The following BCORL1 variants were observed in gnomAD, a reference collection of about 807,000 sequenced individuals.
BCORL1 encodes the protein BCL-6 corepressor-like protein 1.
In BCORL1, 7 loss-of-function variants were observed where a neutral mutation model predicts 87.6. The observed-to-expected ratio is 0.08, with a 90% CI of 0.05 to 0.15. The LOEUF is 0.15. BCORL1 is among the 10% of genes least tolerant of loss of function. The pLI, the probability that BCORL1 is intolerant of heterozygous loss-of-function variation, is 1.00. For synonymous variants in BCORL1, 591 were observed against 634.4 expected (o/e 0.93, Z 1.03); for missense variants, 1,215 against 1,499.7 (o/e 0.81, Z 3.13).
At position 130,025,117 on chromosome X, in the gene BCORL1, A is replaced by G. The variant is rs1930157491; in HGVS notation, c.3816A>G (p.Gln1272=). 2.5e-6 allele frequency: 3 copies of G among 1,211,773 alleles called. No individual in the cohort carries two copies. The highest frequency in any genetic ancestry group is 3.0e-5 in the East Asian group (1 of 33,843). The change falls in exon 7 of 14, where the codon CAA becomes CAG. Residue 1272 remains glutamine, a synonymous_variant. Coordinates refer to ENST00000540052, the MANE Select transcript of BCORL1 (RefSeq NM_001379451.1). The stretch of plus-strand genomic sequence containing the variant: ...AGCGTCGAAAGGTGAGAAAGACCCA[A>G]CGGGACACCCAGTATCGCAGCCACC... ...PAKRRKVRKT[Q]RDTQYRSHHA...
chrX:129,991,670 T>G (rs1927173346), intron 1 of BCORL1, among the ~76,000 whole-genome samples: 3 of 90,811 alleles, frequency 3.3e-5, no homozygotes, highest in Admixed American at 1.2e-4. Context: ...TTTTTTTTTT[T>G]TTTTTGAGAC....
chrX:130,027,567 T>G (rs969611850), intron 7 of BCORL1, among the ~76,000 whole-genome samples: 3 of 112,731 alleles, frequency 2.7e-5, no homozygotes, highest in African/African-American at 6.4e-5. Flanking sequence ...TTTCACTAAT[T>G]GCTAGGCATG....
rs1402775083 is a variant in BCORL1, at chrX:130,014,204, C to A, written c.1432C>A (p.Leu478Ile). The A allele has an allele frequency of 8.3e-7, 1 of 1,208,689 alleles. No individual in the cohort carries two copies. The highest frequency in any genetic ancestry group is 1.1e-6 in the Non-Finnish European group (1 of 894,769). ...TTLGVSSTLT[L>I]PVLPSYLQDR... ...TCTAGGGGTTTCCTCCACTCTTACGCTCCCTGTCCTGCCGTCCTACCTGCA... is the reference window on the plus strand; with the variant it reads ...TCTAGGGGTTTCCTCCACTCTTACGATCCCTGTCCTGCCGTCCTACCTGCA... The change falls in exon 4 of 14, where the codon CTC becomes ATC. Residue 478 changes from leucine to isoleucine, a missense_variant. Transcript: ENST00000540052.
intron 6 of BCORL1, 28 bp downstream of exon 6, chrX:130,023,005 C>G (rs1929962470): frequency 2.7e-6 from 3 of 1,123,430 alleles, no homozygotes; most frequent in Admixed American, 2.2e-5. Context: ...GATGGCCCCT[C>G]TCAGCATCTT....
Position 130,013,793 on chromosome X carries a change from A to G in BCORL1, c.1021A>G (p.Met341Val). The change falls in exon 4 of 14, where the codon ATG becomes GTG. Residue 341 changes from methionine to valine, a missense_variant. By Grantham distance (21) the Met-to-Val change is conservative. Coordinates refer to ENST00000540052, the MANE Select transcript of BCORL1 (RefSeq NM_001379451.1). ...APVPTPVLAP[M>V]PASTPPAAPA... is the part of the protein sequence containing the mutation. Reference sequence around the variant, plus strand: ...CGTCCCCACTCCGGTTCTGGCTCCCATGCCAGCATCCACGCCTCCAGCGGC... The same window carrying G: ...CGTCCCCACTCCGGTTCTGGCTCCCGTGCCAGCATCCACGCCTCCAGCGGC... 9 of 1,170,695 alleles carry G rather than the reference A, an allele frequency of 7.7e-6. No homozygotes were observed. The highest frequency in any genetic ancestry group is 9.1e-6 in the Non-Finnish European group (8 of 875,871).
At chrX:130,022,528 G>A (rs771241313) in intron 5 of BCORL1, among the ~76,000 whole-genome samples, 8 of 110,935 alleles carry the variant, frequency 7.2e-5, no homozygotes, top group Admixed American at 5.8e-4. Context: ...GATTACAGGC[G>A]TGAGCCACCA....
Position 130,014,046 on chromosome X carries a change from C to A in BCORL1, c.1274C>A (p.Ala425Asp). The change falls in exon 4 of 14, where the codon GCT becomes GAT. Residue 425 changes from alanine (A) to aspartate (D), a missense_variant. By Grantham distance (126) the Ala-to-Asp change is moderately radical. Around this residue, in one of 5 missense-constraint regions of BCORL1, gnomAD observed 861 missense variants for 1,010.0 expected, o/e 0.85. Transcript: ENST00000540052. ...TTGAGTAGAGTGTGCTTTCCTGCAG[C>A]TCAGGCACCAGCTATGCAAAAAGTC... is the stretch of plus-strand genomic sequence containing the variant. Reference protein sequence around the residue: ...FSLSRVCFPAAQAPAMQKVPL... With the variant: ...FSLSRVCFPADQAPAMQKVPL... 1 of 1,209,284 alleles carries A rather than the reference C, an allele frequency of 8.3e-7. No homozygotes were observed.
At chrX:130,024,570 C>T (rs1214234215) in intron 6 of BCORL1, among the ~76,000 whole-genome samples, 2 of 111,236 alleles carry the variant, frequency 1.8e-5, no homozygotes, top group Admixed American at 1.9e-4. Context: ...CTCCTAGCCC[C>T]TGATTTCCCA....
intron 5 of BCORL1, among the ~76,000 whole-genome samples, chrX:130,022,116 T>A (rs909875179): frequency 5.4e-5 from 6 of 111,110 alleles, no homozygotes; most frequent in Non-Finnish European, 1.1e-4. Flanking sequence ...TTTTCTCTGT[T>A]CACTGGCTCC....
rs1321731585 is a variant in BCORL1 at position 130,013,389 on chromosome X, C to T, written c.617C>T (p.Pro206Leu). The change falls in exon 4 of 14, where the codon CCT becomes CTT. Residue 206 changes from proline to leucine, a missense_variant. By Grantham distance (98) the Pro-to-Leu change is moderately conservative. Transcript: ENST00000540052. ...CCTCTGCCAGCCCCTATCTGTCCCC[C>T]TGCTCCCGGTTCGGCCTCTGTGCCC... is the stretch of plus-strand genomic sequence containing the variant. Reference protein sequence around the residue: ...FSPLPAPICPPAPGSASVPHS... With the variant: ...FSPLPAPICPLAPGSASVPHS... The T allele has an allele frequency of 8.3e-6, 10 of 1,209,420 alleles. No homozygotes were observed. Among genetic ancestry groups the T allele is most frequent in the Non-Finnish European group, 1.1e-5 (10 of 894,884 alleles).
In BCORL1 at chrX:130,015,066, C is replaced by T. The variant is rs1351160789; in HGVS notation, c.2294C>T (p.Thr765Met). Reference protein sequence around the residue: ...DQGEPKGTGATCGKKGSQAGA... With the variant: ...DQGEPKGTGAMCGKKGSQAGA... ...GGAGAGCCTAAGGGCACTGGTGCCA[C>T]GTGTGGCAAAAAGGGCAGCCAGGCT... The change falls in exon 4 of 14, where the codon ACG becomes ATG. Residue 765 changes from threonine (T) to methionine (M), a missense_variant. Around this residue, in one of 5 missense-constraint regions of BCORL1, gnomAD observed 861 missense variants for 1,010.0 expected, o/e 0.85. Coordinates refer to ENST00000540052, the MANE Select transcript of BCORL1 (RefSeq NM_001379451.1). The T allele has an allele frequency of 5.8e-6, 7 of 1,212,124 alleles. No homozygotes were observed. The South Asian group carries it at 7.0e-5, about 12-fold the overall frequency.
chrX:130,004,401 C>A (rs1214934825), intron 1 of BCORL1, among the ~76,000 whole-genome samples: 1 of 109,896 alleles, frequency 9.1e-6, no homozygotes, highest in African/African-American at 3.3e-5. Flanking sequence ...CACACCACCA[C>A]CCCAGGCTAA....
chrX:130,020,232 A>G (rs1227964874), intron 4 of BCORL1, among the ~76,000 whole-genome samples: 1 of 112,116 alleles, frequency 8.9e-6, no homozygotes, highest in Non-Finnish European at 1.9e-5. Context: ...TACCCTGGAC[A>G]AGTCATTCAA....
At chrX:130,008,503 T>C (rs889613244) in intron 2 of BCORL1, among the ~76,000 whole-genome samples, 2 of 111,044 alleles carry the variant, frequency 1.8e-5, no homozygotes, top group Non-Finnish European at 3.8e-5. Context: ...CCTCTGGTGA[T>C]CCACCTGCCT....
intron 8 of BCORL1, among the ~76,000 whole-genome samples, chrX:130,034,247 C>T (rs1014153008): frequency 1.8e-5 from 2 of 111,961 alleles, no homozygotes; most frequent in African/African-American, 6.5e-5. Context: ...CTGTGTTGAT[C>T]CTGGAGAGAC....
At chrX:130,026,212 T>A (rs1185373053) in intron 7 of BCORL1, among the ~76,000 whole-genome samples, 6 of 112,346 alleles carry the variant, frequency 5.3e-5, no homozygotes, top group Non-Finnish European at 9.4e-5. Flanking sequence ...AGCAATTGAT[T>A]GCCTCCTATG....
chrX:130,016,217 A>G lies in BCORL1; in HGVS notation c.3441+4A>G. On this transcript the variant is annotated splice_donor_region_variant and intron_variant, in intron 4 of 13. Transcript: ENST00000540052. ...CCGGAGTTCCCACAGACCCAAGGTG[A>G]GTGCTGAGCTAAGGTCCAGGGTGGG... 3.4e-6 allele frequency: 4 copies of G among 1,190,862 alleles called. No homozygotes were observed. The highest frequency in any genetic ancestry group is 4.5e-6 in the Non-Finnish European group (4 of 884,243).
At chrX:130,039,357 T>C (rs372846582) in intron 11 of BCORL1, 75 bp downstream of exon 11, 9 of 1,126,268 alleles carry the variant, frequency 8.0e-6, no homozygotes, top group African/African-American at 7.1e-5. Context: ...GGACATCCTC[T>C]TCATCTCCTT....
intron 4 of BCORL1, 140 bp from the exon 5 acceptor site, chrX:130,020,845 G>A: frequency 1.5e-6 from 1 of 677,157 alleles, no homozygotes; most frequent in Non-Finnish European, 2.1e-6. Context: ...CTGGAAGGCA[G>A]TGCACGGCCC....
Sources: allele counts gnomAD v4.1 joint callset (sites outside exome capture counted in the v4.1 genomes callset), GRCh38; gene constraint gnomAD v4.1.1; regional missense constraint gnomAD v4.1.1; transcripts MANE v1.5; gene names NCBI Gene and HGNC (gene_info 2026-07-23, HGNC 2026-07-21).